The following CHRNA7 variants were observed in gnomAD, a reference collection of about 807,000 sequenced individuals.
CHRNA7 encodes the protein neuronal acetylcholine receptor subunit alpha-7.
A neutral mutation model predicts 48.0 loss-of-function variants in CHRNA7; 17 were observed. The ratio of observed to expected loss-of-function variants is 0.35; its 90% CI spans 0.24 to 0.53. CHRNA7 has a LOEUF of 0.53. CHRNA7 is among the 20% of genes least tolerant of loss of function. The pLI, the probability that CHRNA7 is intolerant of heterozygous loss-of-function variation, is 0.92. For synonymous variants in CHRNA7, 75 were observed against 242.3 expected (o/e 0.31, Z 6.41); for missense variants, 155 against 577.7 (o/e 0.27, Z 7.50).
chr15:32,059,680 CAG>C (rs1455509126), intron 2 of CHRNA7, among the ~76,000 whole-genome samples: 1 of 152,004 alleles, frequency 6.6e-6, no homozygotes, highest in Non-Finnish European at 1.5e-5. Flanking sequence ...ACAGATATCT[CAG>C]AAAGAGACAA....
At chr15:32,055,612 T>C (rs2049773608) in intron 2 of CHRNA7, among the ~76,000 whole-genome samples, 1 of 152,200 alleles carries the variant, frequency 6.6e-6, no homozygotes, top group Non-Finnish European at 1.5e-5. Flanking sequence ...GCATCTCTTA[T>C]AGGTTCTGTC....
chr15:32,043,500 ATTAG>A (rs1423586609), intron 2 of CHRNA7, among the ~76,000 whole-genome samples: 3 of 150,706 alleles, frequency 2.0e-5, no homozygotes, highest in African/African-American at 7.3e-5. Context: ...TTTCTCTTCT[ATTAG>A]TTTGTTAGTC....
At chr15:32,033,429 A>G (rs551999790) in intron 2 of CHRNA7, among the ~76,000 whole-genome samples, 47 of 152,330 alleles carry the variant, frequency 3.1e-4, no homozygotes, top group Admixed American at 2.2e-3. Flanking sequence ...GATTAGAGGT[A>G]GGGCTATGAG....
chr15:32,034,859 C>T (rs561323508), intron 2 of CHRNA7, among the ~76,000 whole-genome samples: 4 of 152,088 alleles, frequency 2.6e-5, no homozygotes, highest in Admixed American at 6.5e-5. Context: ...TATGGTGGGT[C>T]GTTAAACAGG....
At chr15:32,040,318 T>C (rs1433766810) in intron 2 of CHRNA7, among the ~76,000 whole-genome samples, 1 of 152,126 alleles carries the variant, frequency 6.6e-6, no homozygotes, top group Non-Finnish European at 1.5e-5. Context: ...CTTATTTCAG[T>C]TTTTGTTTTC....
intron 2 of CHRNA7, among the ~76,000 whole-genome samples, chr15:32,052,775 A>G (rs1595390006): frequency 6.6e-6 from 1 of 152,160 alleles, no homozygotes; most frequent in East Asian, 1.9e-4. Context: ...GATGAAAGAT[A>G]TAGTTAGATA....
intron 2 of CHRNA7, among the ~76,000 whole-genome samples, chr15:32,090,114 C>G (rs924224902): frequency 1.7e-4 from 26 of 152,142 alleles, no homozygotes; most frequent in Admixed American, 1.3e-4. Context: ...GGGCTCTGAC[C>G]TTCACAAGTG....
chr15:32,117,074 A>T (rs1478645844), intron 4 of CHRNA7, among the ~76,000 whole-genome samples: 1 of 152,164 alleles, frequency 6.6e-6, no homozygotes, highest in Admixed American at 6.5e-5. Context: ...CAGGACAAGG[A>T]TTCCTGAGCA....
chr15:32,103,870 C>T (rs371225871), intron 3 of CHRNA7, among the ~76,000 whole-genome samples: 1 of 152,188 alleles, frequency 6.6e-6, no homozygotes, highest in Non-Finnish European at 1.5e-5. Context: ...GTCTCGCACA[C>T]CTCACCTCTG....
At chr15:32,084,003 G>T (rs1354742592) in intron 2 of CHRNA7, among the ~76,000 whole-genome samples, 1 of 152,052 alleles carries the variant, frequency 6.6e-6, no homozygotes, top group Non-Finnish European at 1.5e-5. Flanking sequence ...TGGAATTTTG[G>T]GCTGAAGAAG....
At chr15:32,036,850 C>G (rs1163131815) in intron 2 of CHRNA7, among the ~76,000 whole-genome samples, 3 of 148,246 alleles carry the variant, frequency 2.0e-5, no homozygotes, top group Admixed American at 6.8e-5. Context: ...TCAGGTATGT[C>G]TTTTGCAAAT....
intron 2 of CHRNA7, among the ~76,000 whole-genome samples, chr15:32,071,673 T>C (rs1379648641): frequency 6.6e-6 from 1 of 152,078 alleles, no homozygotes; most frequent in Non-Finnish European, 1.5e-5. Context: ...GCCTGGCACC[T>C]CCTCCTCTCT....
chr15:32,070,708 A>G (rs1389208428), intron 2 of CHRNA7, among the ~76,000 whole-genome samples: 1 of 75,148 alleles, frequency 1.3e-5, no homozygotes, highest in African/African-American at 6.0e-5. Flanking sequence ...TTTTTTTGAG[A>G]CGGAGTCTTG....
intron 4 of CHRNA7, among the ~76,000 whole-genome samples, chr15:32,113,521 G>A (rs934863534): frequency 1.3e-5 from 2 of 152,106 alleles, no homozygotes; most frequent in Non-Finnish European, 2.9e-5. Flanking sequence ...AATTTTAGCT[G>A]TAATATTTAC....
rs1467704412 is a variant in CHRNA7, at chr15:32,111,904, G to A, written c.350+5G>A. 1 of 1,540,066 alleles carries A rather than the reference G, an allele frequency of 6.5e-7. No homozygotes were observed. The highest frequency in any genetic ancestry group is 1.4e-5 in the African/African-American group (1 of 73,396). ...AGACATTCTTCTCTATAACAGGTAA[G>A]CATATTGAACAAAGGAAAAAAATGA... On this transcript the variant is annotated splice_donor_5th_base_variant and intron_variant, in intron 4 of 9. Transcript: ENST00000306901.
At chr15:32,037,478 T>A (rs1902148191) in intron 2 of CHRNA7, among the ~76,000 whole-genome samples, 1 of 152,208 alleles carries the variant, frequency 6.6e-6, no homozygotes, top group Non-Finnish European at 1.5e-5. Flanking sequence ...TTCTGGGATT[T>A]GATTGAATCT....
intron 4 of CHRNA7, among the ~76,000 whole-genome samples, chr15:32,147,868 G>C (rs2051524068): frequency 6.6e-6 from 1 of 152,182 alleles, no homozygotes; most frequent in Non-Finnish European, 1.5e-5. Flanking sequence ...ATTCTCAACA[G>C]CCTTGCTTTC....
chr15:32,126,190 T>C (rs1288219529), intron 4 of CHRNA7, among the ~76,000 whole-genome samples: 3 of 152,166 alleles, frequency 2.0e-5, no homozygotes, highest in Non-Finnish European at 4.4e-5. Flanking sequence ...GTAACATAGC[T>C]CCTTTGATGT....
chr15:32,116,032 C>T (rs578049278), intron 4 of CHRNA7, among the ~76,000 whole-genome samples: 1 of 152,236 alleles, frequency 6.6e-6, no homozygotes, highest in Non-Finnish European at 1.5e-5. Context: ...TGAGAGATAC[C>T]GAATTTAATG....
Sources: allele counts gnomAD v4.1 joint callset (sites outside exome capture counted in the v4.1 genomes callset), GRCh38; gene constraint gnomAD v4.1.1; transcripts MANE v1.5; gene names NCBI Gene and HGNC (gene_info 2026-07-23, HGNC 2026-07-21).